LTBP1: variants seen among roughly 807,000 people sequenced by gnomAD.
LTBP1 encodes the protein latent transforming growth factor beta binding protein 1, also known as latent-transforming growth factor beta-binding protein 1.
In LTBP1, 129 loss-of-function variants were observed where a neutral mutation model predicts 207.6. That is an observed-to-expected ratio of 0.62 (90% CI 0.54 to 0.72). The LOEUF (loss-of-function observed/expected upper bound fraction) is 0.72, where lower values mean the gene tolerates loss of function less well. Among genes scored for constraint, LTBP1 ranks in the 30% least tolerant of loss-of-function variants. The probability of loss-of-function intolerance (pLI) is 0.00; values close to 1 mark genes in which losing one functional copy is unlikely to be tolerated. For synonymous variants in LTBP1, 963 were observed against 833.7 expected, an observed-to-expected ratio of 1.16 and a Z score of -2.67; for missense variants, 2,281 against 2,217.2, an observed-to-expected ratio of 1.03 and a Z score of -0.58.
At chr2:33,021,334 C>A in intron 3 of LTBP1, 128 bp downstream of exon 3, 1 of 907,724 alleles carries the variant, frequency 1.1e-6, no homozygotes, top group Non-Finnish European at 1.6e-6. Flanking sequence ...TTTTTCTTTC[C>A]TTTCTTAAGG....
chr2:33,365,411 T>A lies in LTBP1; in HGVS notation c.4619T>A (p.Leu1540His). 6.2e-7 allele frequency: 1 copy of A among 1,614,190 alleles called. No individual in the cohort carries two copies. The highest frequency in any genetic ancestry group is 8.5e-7 in the Non-Finnish European group (1 of 1,180,028). ...LSDEYVCSRPLVGKQTTYTEC... is the reference protein window; with the variant it reads ...LSDEYVCSRPHVGKQTTYTEC... ...GATGAATACGTGTGTAGCCGGCCTC[T>A]TGTGGGCAAGCAGACAACGTACACT... Residue 1540 changes from leucine (L) to histidine (H), a missense_variant, in exon 31 of 34, where the codon CTT (leucine) becomes CAT (histidine). Around this residue, in one of 3 missense-constraint regions of LTBP1, gnomAD observed 1,671 missense variants for 1,634.8 expected, o/e 1.02. Coordinates refer to ENST00000404816, the MANE Select transcript of LTBP1 (RefSeq NM_206943.4).
rs911102804 is a variant in LTBP1, at chr2:33,151,752, T to C, written c.1201+16792T>C. Among the ~76,000 whole-genome samples the C allele has an allele frequency of 3.3e-5, 5 of 152,068 alleles. No homozygotes were observed. In the South Asian group the frequency reaches 6.2e-4, roughly 19 times the overall value. ...TCCTGCGTCACTTCACATAGAATAA[T>C]AGTCTCCAGTCTCATCTATGTGGCA... On this transcript the variant is annotated intron_variant, in intron 5 of 33. Transcript: ENST00000404816.
At chr2:33,268,368 A>T (rs1012717198) in intron 15 of LTBP1, among the ~76,000 whole-genome samples, 9 of 152,232 alleles carry the variant, frequency 5.9e-5, no homozygotes, top group Non-Finnish European at 1.3e-4. Context: ...GAAGACAGGG[A>T]TAGAACAATA....
At chr2:33,296,551 T>G (rs967997754) in intron 20 of LTBP1, among the ~76,000 whole-genome samples, 3 of 152,114 alleles carry the variant, frequency 2.0e-5, no homozygotes, top group Admixed American at 2.0e-4. Flanking sequence ...GATCAGACTC[T>G]CTAATGGGAT....
At chr2:33,022,265 C>CTTTTTTTTTTTTTT (rs3047211) in intron 3 of LTBP1, among the ~76,000 whole-genome samples, 15 of 125,232 alleles carry the variant, frequency 1.2e-4, no homozygotes, top group South Asian at 2.8e-4. Context: ...CCTCAATCCT[C>CTTTTTTTTTTTTTT]TTTTTTTTTT....
chr2:33,270,932 T>C (rs2093307135), intron 15 of LTBP1, among the ~76,000 whole-genome samples: 1 of 152,200 alleles, frequency 6.6e-6, no homozygotes, highest in South Asian at 2.1e-4. Context: ...TCTAAGATAT[T>C]GGATTGGTGG....
intron 5 of LTBP1, among the ~76,000 whole-genome samples, chr2:33,184,354 C>T (rs886705214): frequency 3.3e-5 from 5 of 152,122 alleles, no homozygotes; most frequent in Non-Finnish European, 7.3e-5. Context: ...CCTCCTTCTT[C>T]GAATTTATCA....
intron 3 of LTBP1, among the ~76,000 whole-genome samples, chr2:33,107,780 A>G (rs1055549528): frequency 2.0e-5 from 3 of 152,336 alleles, no homozygotes; most frequent in Admixed American, 1.3e-4. Context: ...GCCCCCGCCA[A>G]CCACTTTGAA....
intron 19 of LTBP1, among the ~76,000 whole-genome samples, chr2:33,289,131 G>A (rs2093725407): frequency 6.6e-6 from 1 of 152,204 alleles, no homozygotes; most frequent in Non-Finnish European, 1.5e-5. Context: ...CAATGTACTT[G>A]TTAGAGTCTC....
chr2:33,172,634 C>T (rs2085575687), intron 5 of LTBP1, among the ~76,000 whole-genome samples: 2 of 152,308 alleles, frequency 1.3e-5, no homozygotes, highest in East Asian at 3.9e-4. Context: ...GAATTGAACT[C>T]AGCTCTGCAC....
chr2:33,284,942 C>G (rs1399159704), intron 19 of LTBP1, among the ~76,000 whole-genome samples: 2 of 152,130 alleles, frequency 1.3e-5, no homozygotes, highest in African/African-American at 4.8e-5. Flanking sequence ...CCCTTTTTCC[C>G]CAACTATTAC....
chr2:32,955,442 A>G (rs185638402), intron 2 of LTBP1, among the ~76,000 whole-genome samples: 24 of 152,256 alleles, frequency 1.6e-4, no homozygotes, highest in Admixed American at 1.6e-3. Context: ...TTTAAAAAAG[A>G]TTTAAACACT....
At chr2:33,320,399 A>G (rs534319699) in intron 24 of LTBP1, among the ~76,000 whole-genome samples, 149 of 151,468 alleles carry the variant, frequency 9.8e-4, no homozygotes, top group African/African-American at 3.5e-3. Flanking sequence ...ACTCTGTGAA[A>G]AAAAAAAAAA....
intron 2 of LTBP1, among the ~76,000 whole-genome samples, chr2:32,979,882 C>G (rs1423779432): frequency 6.6e-6 from 1 of 152,102 alleles, no homozygotes; most frequent in Non-Finnish European, 1.5e-5. Context: ...TGCATATATG[C>G]TTACAATCGT....
intron 7 of LTBP1, among the ~76,000 whole-genome samples, chr2:33,199,368 A>G (rs1558800275): frequency 6.6e-6 from 1 of 152,164 alleles, no homozygotes; most frequent in Non-Finnish European, 1.5e-5. Context: ...AAAAAAATGT[A>G]TATTCTGTTG....
intron 3 of LTBP1, among the ~76,000 whole-genome samples, chr2:33,086,613 A>G (rs1471198789): frequency 1.3e-5 from 2 of 152,214 alleles, no homozygotes; most frequent in East Asian, 3.8e-4. Flanking sequence ...ACTAGTGAAC[A>G]CAGGGTTCAG....
chr2:33,011,439 G>A (rs1687659047), intron 2 of LTBP1, among the ~76,000 whole-genome samples: 1 of 152,114 alleles, frequency 6.6e-6, no homozygotes, highest in African/African-American at 2.4e-5. Context: ...AAGTTAAAGT[G>A]AGGTCATTAG....
chr2:33,339,506 C>T (rs1480229640), intron 24 of LTBP1, among the ~76,000 whole-genome samples: 1 of 152,164 alleles, frequency 6.6e-6, no homozygotes, highest in Non-Finnish European at 1.5e-5. Context: ...GCAGTTCCTC[C>T]TCAAGTTGTG....
Position 33,043,847 on chromosome 2 carries a change from G to A in LTBP1, c.863+22641G>A, listed in dbSNP as rs115965851. On this transcript the variant is annotated intron_variant, in intron 3 of 33. Transcript: ENST00000404816. ...AAGGGAAGAGACTAAAATGAGAGAC[G>A]GTGTTTAAATAGTTAATGCAATCAC... Among the ~76,000 whole-genome samples, 352 of 152,176 alleles carry A rather than the reference G, an allele frequency of 2.3e-3. 2 individuals are homozygous for A. The highest frequency in any genetic ancestry group is 8.0e-3 in the African/African-American group (334 of 41,500).
Sources: gnomAD v4.1 joint callset for allele counts (sites outside exome capture counted in the v4.1 genomes callset) on GRCh38, gnomAD v4.1.1 for gene constraint, gnomAD v4.1.1 regional missense constraint, MANE v1.5 for transcripts, NCBI Gene and HGNC (gene_info 2026-07-23, HGNC 2026-07-21) for gene names.